Variants in FILIP1L observed in about 807,000 individuals in gnomAD.
FILIP1L encodes the protein filamin A interacting protein 1 like, also known as filamin A-interacting protein 1-like.
In FILIP1L, 55 loss-of-function variants were observed where a neutral mutation model predicts 96.6. That is an observed-to-expected ratio of 0.57 (90% confidence interval 0.46 to 0.71). FILIP1L has a LOEUF of 0.71. Among genes scored for constraint, FILIP1L ranks in the 30% least tolerant of loss-of-function variants. The probability of loss-of-function intolerance (pLI) is 0.00; values close to 1 mark genes in which losing one functional copy is unlikely to be tolerated. For missense variants in FILIP1L, 1,304 were observed against 1,321.2 expected (o/e 0.99, Z 0.20); for synonymous variants, 467 against 473.9 (o/e 0.99, Z 0.19).
chr3:100,034,671 T>A (rs2065077649), intron 1 of FILIP1L, among the ~76,000 whole-genome samples: 2 of 152,106 alleles, frequency 1.3e-5, no homozygotes, highest in African/African-American at 4.8e-5. Flanking sequence ...AGACAGTGAG[T>A]TTAGATTTAT....
At chr3:100,056,354 AAAT>A (rs1360786398) in intron 1 of FILIP1L, among the ~76,000 whole-genome samples, 2 of 152,220 alleles carry the variant, frequency 1.3e-5, no homozygotes, top group Non-Finnish European at 2.9e-5. Context: ...TCTACTTTTT[AAAT>A]TTCTATGGGA....
chr3:100,110,036 T>C (rs549570145), intron 1 of FILIP1L: 1 of 151,024 alleles, frequency 6.6e-6, no homozygotes, highest in East Asian at 2.0e-4. Context: ...TCATCTGAAA[T>C]AGAACCAGCC....
intron 4 of FILIP1L, among the ~76,000 whole-genome samples, chr3:99,913,357 T>A (rs1553695886): frequency 6.6e-6 from 1 of 152,254 alleles, no homozygotes; most frequent in Non-Finnish European, 1.5e-5. Context: ...TCCTTGTCAA[T>A]ACTTGTTATT....
At chr3:99,996,553 A>G (rs1212203246) in intron 1 of FILIP1L, among the ~76,000 whole-genome samples, 1 of 152,156 alleles carries the variant, frequency 6.6e-6, no homozygotes, top group Admixed American at 6.5e-5. Context: ...TGACTGTATT[A>G]GTCAGTTTTC....
chr3:100,055,502 G>A (rs2065450106), intron 1 of FILIP1L, among the ~76,000 whole-genome samples: 2 of 152,234 alleles, frequency 1.3e-5, no homozygotes, highest in South Asian at 4.2e-4. Context: ...AAATACTAAA[G>A]ACTGTCTTTA....
intron 1 of FILIP1L, among the ~76,000 whole-genome samples, chr3:100,099,002 T>C (rs564421334): frequency 1.3e-5 from 2 of 152,334 alleles, no homozygotes; most frequent in Non-Finnish European, 2.9e-5. Flanking sequence ...CAGCAGGTTT[T>C]TGCTTTCCTG....
intron 1 of FILIP1L, among the ~76,000 whole-genome samples, chr3:99,993,827 C>T (rs1228575189): frequency 6.6e-6 from 1 of 152,084 alleles, no homozygotes; most frequent in Non-Finnish European, 1.5e-5. Context: ...ATAAATCGTA[C>T]TTGATCATGA....
intron 1 of FILIP1L, among the ~76,000 whole-genome samples, chr3:100,036,301 G>A (rs1464242388): frequency 6.6e-6 from 1 of 152,054 alleles, no homozygotes; most frequent in Non-Finnish European, 1.5e-5. Flanking sequence ...CTGACTGCAG[G>A]GCTGTTGGAG....
chr3:99,879,409 AT>A (rs1323800767), intron 4 of FILIP1L, among the ~76,000 whole-genome samples: 6 of 152,248 alleles, frequency 3.9e-5, no homozygotes, highest in Non-Finnish European at 8.8e-5. Flanking sequence ...GCTACTGACC[AT>A]AATTACAACA....
chr3:99,998,099 G>A (rs570288236), intron 1 of FILIP1L, among the ~76,000 whole-genome samples: 2 of 152,302 alleles, frequency 1.3e-5, no homozygotes, highest in South Asian at 4.1e-4. Context: ...GTTAACTGGT[G>A]CGGAAATTCA....
intron 3 of FILIP1L, among the ~76,000 whole-genome samples, chr3:99,929,296 A>C (rs1365579596): frequency 2.6e-5 from 4 of 152,210 alleles, no homozygotes; most frequent in African/African-American, 9.6e-5. Context: ...GGTGAGGGAA[A>C]GGTCTTTGCT....
chr3:100,067,554 T>C (rs1313177209), intron 1 of FILIP1L, among the ~76,000 whole-genome samples: 1 of 152,218 alleles, frequency 6.6e-6, no homozygotes, highest in Non-Finnish European at 1.5e-5. Flanking sequence ...CATCTGAATT[T>C]TGCAGATTTG....
intron 1 of FILIP1L, among the ~76,000 whole-genome samples, chr3:100,053,864 G>C: frequency 6.6e-6 from 1 of 152,180 alleles, no homozygotes; most frequent in East Asian, 1.9e-4. Flanking sequence ...CCTGGGGCCA[G>C]ATTTTGTTCT....
At chr3:100,047,697 A>G (rs556043413) in intron 1 of FILIP1L, among the ~76,000 whole-genome samples, 2 of 152,302 alleles carry the variant, frequency 1.3e-5, no homozygotes, top group East Asian at 3.9e-4. Flanking sequence ...TCAAGAAACA[A>G]TGCCCCTGCC....
intron 1 of FILIP1L, among the ~76,000 whole-genome samples, chr3:99,973,316 G>C (rs1035900772): frequency 6.6e-6 from 1 of 152,154 alleles, no homozygotes; most frequent in Admixed American, 6.5e-5. Context: ...TAAGAACACT[G>C]ATTTTCTGTG....
intron 4 of FILIP1L, among the ~76,000 whole-genome samples, chr3:99,861,542 T>G (rs1201509858): frequency 5.9e-5 from 9 of 152,168 alleles, no homozygotes; most frequent in Admixed American, 5.9e-4. Flanking sequence ...TTCCTCCCAC[T>G]CTCTGCAGTT....
intron 4 of FILIP1L, among the ~76,000 whole-genome samples, chr3:99,855,283 C>A (rs1483819109): frequency 6.6e-6 from 1 of 152,108 alleles, no homozygotes; most frequent in Non-Finnish European, 1.5e-5. Flanking sequence ...AAAATGCATA[C>A]CATAGTTGGT....
intron 1 of FILIP1L, among the ~76,000 whole-genome samples, chr3:100,109,219 TA>T (rs944577227): frequency 7.3e-5 from 11 of 151,614 alleles, no homozygotes; most frequent in Admixed American, 4.6e-4. Context: ...TTTAATATCC[TA>T]AAAAAAAATT....
intron 1 of FILIP1L, among the ~76,000 whole-genome samples, chr3:100,006,327 T>A (rs1039358863): frequency 2.6e-5 from 4 of 152,124 alleles, no homozygotes; most frequent in African/African-American, 9.7e-5. Context: ...CCCTAAATAA[T>A]CTCCAGATTT....
Sources: gnomAD v4.1 joint callset for allele counts (sites outside exome capture counted in the v4.1 genomes callset) on GRCh38, gnomAD v4.1.1 for gene constraint, MANE v1.5 for transcripts, NCBI Gene and HGNC (gene_info 2026-07-23, HGNC 2026-07-21) for gene names.